The following PTK2B variants were observed in gnomAD, a reference collection of about 807,000 sequenced individuals.
PTK2B encodes protein tyrosine kinase 2 beta, also known as protein-tyrosine kinase 2-beta.
In PTK2B, 71 loss-of-function variants were observed where a neutral mutation model predicts 142.9. The ratio of observed to expected loss-of-function variants is 0.50; its 90% CI spans 0.41 to 0.61. The LOEUF (loss-of-function observed/expected upper bound fraction) is 0.61. Among genes scored for constraint, PTK2B ranks in the 20% least tolerant of loss-of-function variants. The pLI, the probability that PTK2B is intolerant of heterozygous loss-of-function variation, is 0.00. For missense variants in PTK2B, 1,105 were observed against 1,320.4 expected, an observed-to-expected ratio of 0.84 and a Z score of 2.53; for synonymous variants, 519 against 503.4, an observed-to-expected ratio of 1.03 and a Z score of -0.42.
In PTK2B at chr8:27,440,420, C is replaced by T. The variant is rs1811087696; in HGVS notation, c.2018C>T (p.Thr673Ile). 6.2e-7 allele frequency: 1 copy of T among 1,613,960 alleles called. No homozygotes were observed. The highest frequency in any genetic ancestry group is 1.1e-5 in the South Asian group (1 of 91,074). Residue 673 changes from threonine to isoleucine, a missense_variant, in exon 21 of 31, where the codon ACC becomes ATC. Transcript: ENST00000346049. ...GACCCCAGTGACCGGCCCCGCTTCA[C>T]CGAGCTGGTGTGCAGCCTCAGGTGA... ...DYDPSDRPRFTELVCSLSDVY... is the reference protein window; with the variant it reads ...DYDPSDRPRFIELVCSLSDVY...
intron 1 of PTK2B, among the ~76,000 whole-genome samples, chr8:27,383,944 G>C (rs1187319743): frequency 6.6e-6 from 1 of 151,210 alleles, no homozygotes; most frequent in African/African-American, 2.4e-5. Context: ...CGCCTCCCAG[G>C]TTCAAGCGAT....
At chr8:27,333,032 T>A (rs879864906) in intron 1 of PTK2B, among the ~76,000 whole-genome samples, 13 of 152,252 alleles carry the variant, frequency 8.5e-5, no homozygotes, top group African/African-American at 1.9e-4. Context: ...GCTATGAGAT[T>A]GCAGGGCAGA....
intron 1 of PTK2B, among the ~76,000 whole-genome samples, chr8:27,354,279 C>A (rs534945616): frequency 3.0e-4 from 45 of 152,272 alleles, no homozygotes; most frequent in Middle Eastern, 3.4e-3. Flanking sequence ...TCTGGACTAA[C>A]CCCCACAGCC....
chr8:27,364,739 G>A (rs1266915734), intron 1 of PTK2B, among the ~76,000 whole-genome samples: 2 of 152,192 alleles, frequency 1.3e-5, no homozygotes, highest in Non-Finnish European at 2.9e-5. Context: ...ACGTCCAATT[G>A]ACGGGAGAAG....
At chr8:27,335,321 A>G (rs1217040621) in intron 1 of PTK2B, among the ~76,000 whole-genome samples, 2 of 152,212 alleles carry the variant, frequency 1.3e-5, no homozygotes, top group African/African-American at 4.8e-5. Flanking sequence ...GGCCAATTGC[A>G]GTGACTCATG....
upstream of PTK2B, chr8:27,325,300 G>T (rs1378726196): frequency 6.6e-6 from 1 of 152,156 alleles, no homozygotes; most frequent in East Asian, 1.9e-4. Context: ...GTTAGGAATT[G>T]GGGAGTTAAC....
intron 5 of PTK2B, among the ~76,000 whole-genome samples, chr8:27,427,020 G>A (rs1287265636): frequency 6.6e-6 from 1 of 152,200 alleles, no homozygotes; most frequent in Non-Finnish European, 1.5e-5. Context: ...TAAGCCTGGA[G>A]TGGCTTTAGG....
intron 2 of PTK2B, among the ~76,000 whole-genome samples, chr8:27,416,920 A>T (rs1809435318): frequency 6.6e-6 from 1 of 152,212 alleles, no homozygotes; most frequent in African/African-American, 2.4e-5. Flanking sequence ...CTACGCACCC[A>T]CTGAGATGGC....
chr8:27,435,447 A>T (rs1810711167), intron 13 of PTK2B, among the ~76,000 whole-genome samples: 1 of 152,240 alleles, frequency 6.6e-6, no homozygotes, highest in Non-Finnish European at 1.5e-5. Flanking sequence ...TATTTGATTC[A>T]ATCTTTATAG....
chr8:27,420,549 C>T (rs184775808), intron 3 of PTK2B, 108 bp from the exon 4 acceptor site: 2 of 1,041,606 alleles, frequency 1.9e-6, no homozygotes, highest in Non-Finnish European at 1.5e-6. Context: ...CATGGGCAGC[C>T]CTTCCCTTTG....
intron 1 of PTK2B, among the ~76,000 whole-genome samples, chr8:27,348,754 C>T (rs113176873): frequency 0.013 from 1,957 of 152,064 alleles, 15 homozygotes; most frequent in Middle Eastern, 0.02. Context: ...CTTGAAGGGC[C>T]GGATCTCTCT....
At chr8:27,420,214 T>A in intron 3 of PTK2B, 141 bp downstream of exon 3, 1 of 1,000,180 alleles carries the variant, frequency 1.0e-6, no homozygotes, top group Non-Finnish European at 1.5e-6. Flanking sequence ...TTAGTCTTCC[T>A]CCAGTATCCA....
intron 1 of PTK2B, among the ~76,000 whole-genome samples, chr8:27,349,103 C>T (rs928351492): frequency 2.6e-5 from 4 of 152,314 alleles, no homozygotes; most frequent in African/African-American, 9.6e-5. Context: ...ACCTCCTGTT[C>T]TCTTCTGGTG....
At chr8:27,346,781 G>A (rs930498111) in intron 1 of PTK2B, among the ~76,000 whole-genome samples, 2 of 152,308 alleles carry the variant, frequency 1.3e-5, no homozygotes, top group East Asian at 1.9e-4. Context: ...GGAATGTTTC[G>A]TCCCAACACC....
At chr8:27,315,452 T>G (rs1031627730) in intron 3 of PTK2B, among the ~76,000 whole-genome samples, 5 of 152,154 alleles carry the variant, frequency 3.3e-5, no homozygotes, top group Non-Finnish European at 5.9e-5. Context: ...AAGATGGGGC[T>G]AACAACGCTA....
chr8:27,360,907 C>G (rs914649165), intron 1 of PTK2B, among the ~76,000 whole-genome samples: 1 of 152,090 alleles, frequency 6.6e-6, no homozygotes, highest in African/African-American at 2.4e-5. Flanking sequence ...GTCGGTCTTT[C>G]GAAATGGTCA....
At chr8:27,433,588 G>C in intron 11 of PTK2B, 36 bp downstream of exon 11, 1 of 1,562,418 alleles carries the variant, frequency 6.4e-7, no homozygotes, top group Non-Finnish European at 8.8e-7. Flanking sequence ...GCTGGACCAC[G>C]GGTGGCAGCA....
chr8:27,398,162 T>C (rs1808178482), intron 2 of PTK2B, among the ~76,000 whole-genome samples: 1 of 152,222 alleles, frequency 6.6e-6, no homozygotes, highest in South Asian at 2.1e-4. Flanking sequence ...GATACACAAG[T>C]GATTGCATTA....
chr8:27,365,836 A>G (rs1481733298), intron 1 of PTK2B, among the ~76,000 whole-genome samples: 1 of 152,196 alleles, frequency 6.6e-6, no homozygotes, highest in African/African-American at 2.4e-5. Flanking sequence ...CCAGCCAGAC[A>G]TTGCTGGTAA....
Sources: allele counts gnomAD v4.1 joint callset (sites outside exome capture counted in the v4.1 genomes callset), GRCh38; gene constraint gnomAD v4.1.1; transcripts MANE v1.5; gene names NCBI Gene and HGNC (gene_info 2026-07-23, HGNC 2026-07-21).